Variants in RANBP17 observed in about 807,000 individuals in gnomAD.
The protein encoded by RANBP17 is RAN binding protein 17, also known as ran-binding protein 17.
Under a neutral mutation model 141.2 loss-of-function variants are expected in RANBP17, and 158 were observed. That is an observed-to-expected ratio of 1.12 (90% CI 0.98 to 1.28). RANBP17 has a LOEUF of 1.28. Among genes scored for constraint, RANBP17 ranks in the 50% most tolerant of loss-of-function variants. The pLI is 0.00. For synonymous variants in RANBP17, 430 were observed against 450.0 expected (o/e 0.96, Z 0.56); for missense variants, 1,438 against 1,290.7 (o/e 1.11, Z -1.75).
At chr5:171,277,938 CTTTTTTTTTTTTTTTT>C (rs140208253) in intron 25 of RANBP17, among the ~76,000 whole-genome samples, 2 of 72,266 alleles carry the variant, frequency 2.8e-5, no homozygotes, top group African/African-American at 1.1e-4. Flanking sequence ...GGACTTCTTT[CTTTTTTTTTTTTTTTT>C]TTTTTTTTTT....
intron 14 of RANBP17, among the ~76,000 whole-genome samples, chr5:171,089,274 G>A (rs1253548442): frequency 1.0e-5 from 1 of 98,084 alleles, no homozygotes; most frequent in Non-Finnish European, 2.4e-5. Flanking sequence ...GCTGCTCGGG[G>A]GTCACGGGTC....
intron 25 of RANBP17, among the ~76,000 whole-genome samples, chr5:171,282,716 G>C (rs1767930849): frequency 6.6e-6 from 1 of 151,978 alleles, no homozygotes; most frequent in African/African-American, 2.4e-5. Flanking sequence ...CTGACCTCAG[G>C]TGACCCACCT....
intron 25 of RANBP17, among the ~76,000 whole-genome samples, chr5:171,269,026 A>G (rs1237417728): frequency 6.6e-6 from 1 of 152,170 alleles, no homozygotes; most frequent in African/African-American, 2.4e-5. Context: ...ATATATCTTT[A>G]TTAACAGTGG....
chr5:171,184,780 A>C (rs1406482879), intron 18 of RANBP17, among the ~76,000 whole-genome samples: 1 of 152,200 alleles, frequency 6.6e-6, no homozygotes, highest in South Asian at 2.1e-4. Context: ...TTTGTTTTCT[A>C]GTGTATATAA....
chr5:171,077,618 A>T (rs1272589417), intron 14 of RANBP17, among the ~76,000 whole-genome samples: 2 of 152,248 alleles, frequency 1.3e-5, no homozygotes, highest in East Asian at 3.8e-4. Flanking sequence ...TCTAAGGGTT[A>T]GAATTTGAGG....
At chr5:171,071,105 A>C (rs548770091) in intron 14 of RANBP17, among the ~76,000 whole-genome samples, 1 of 152,098 alleles carries the variant, frequency 6.6e-6, no homozygotes, top group East Asian at 1.9e-4. Flanking sequence ...GATTGAACCA[A>C]TTTGTACCTA....
intron 18 of RANBP17, among the ~76,000 whole-genome samples, chr5:171,194,933 A>C (rs1185714860): frequency 1.3e-5 from 2 of 152,240 alleles, no homozygotes; most frequent in African/African-American, 4.8e-5. Context: ...CTTATATTTT[A>C]ATGTGATGTC....
intron 14 of RANBP17, among the ~76,000 whole-genome samples, chr5:171,120,037 C>A (rs373625412): frequency 6.7e-3 from 672 of 100,556 alleles, no homozygotes; most frequent in African/African-American, 0.011. Flanking sequence ...AACTTAGTCT[C>A]AAAAAAAAAA....
chr5:171,146,529 A>G (rs1758038702), intron 14 of RANBP17, among the ~76,000 whole-genome samples: 1 of 152,170 alleles, frequency 6.6e-6, no homozygotes, highest in Non-Finnish European at 1.5e-5. Context: ...CAGGTTCTGC[A>G]GGTAATATCC....
chr5:170,867,335 T>C (rs1320397296), intron 1 of RANBP17, among the ~76,000 whole-genome samples: 1 of 152,148 alleles, frequency 6.6e-6, no homozygotes, highest in Non-Finnish European at 1.5e-5. Flanking sequence ...TTTAAATCTG[T>C]AGAATAAATA....
intron 14 of RANBP17, among the ~76,000 whole-genome samples, chr5:171,096,740 C>T (rs972983031): frequency 1.3e-5 from 2 of 151,970 alleles, no homozygotes; most frequent in African/African-American, 4.8e-5. Context: ...AGGATAGGGC[C>T]TGAATTTTTT....
intron 14 of RANBP17, among the ~76,000 whole-genome samples, chr5:171,088,097 T>C (rs1325676389): frequency 1.3e-5 from 2 of 152,038 alleles, no homozygotes; most frequent in African/African-American, 4.8e-5. Context: ...TTGCAGCGGC[T>C]GGTACCGGTT....
chr5:170,977,304 A>T (rs1581291178), intron 14 of RANBP17, among the ~76,000 whole-genome samples: 1 of 152,072 alleles, frequency 6.6e-6, no homozygotes, highest in South Asian at 2.1e-4. Context: ...ATACCACTTT[A>T]CACTCACTAG....
chr5:171,274,159 C>CGT (rs1561820617), intron 25 of RANBP17, among the ~76,000 whole-genome samples: 3 of 141,462 alleles, frequency 2.1e-5, no homozygotes, highest in Non-Finnish European at 3.2e-5. Context: ...TGCGCGCGCG[C>CGT]GCGCGTGCGC....
chr5:171,238,831 A>G (rs1174006807), intron 22 of RANBP17, among the ~76,000 whole-genome samples: 1 of 152,098 alleles, frequency 6.6e-6, no homozygotes, highest in Admixed American at 6.6e-5. Flanking sequence ...TTATCCTTCA[A>G]ACTTAGCCTG....
intron 13 of RANBP17, among the ~76,000 whole-genome samples, chr5:170,964,912 C>T (rs1313090672): frequency 1.3e-5 from 2 of 152,204 alleles, no homozygotes; most frequent in East Asian, 3.9e-4. Context: ...GGTATATACC[C>T]AGTAATGGGA....
intron 14 of RANBP17, among the ~76,000 whole-genome samples, chr5:171,137,586 GTGTGTGTGTGTGTGTGTGTC>G (rs1422215407): frequency 6.0e-4 from 86 of 143,852 alleles, no homozygotes; most frequent in East Asian, 2.1e-3. Flanking sequence ...GTGTGTGTGT[GTGTGTGTGTGTGTGTGTGTC>G]TGTGTGTGTG....
rs181816417 is a variant in RANBP17, at chr5:170,923,430, C to A, written c.1275-927C>A. On this transcript the variant is annotated intron_variant, in intron 11 of 27. Transcript: ENST00000523189. The stretch of plus-strand genomic sequence containing the variant: ...GCTTTGAAATCAGATAGTATGAGTT[C>A]TTTAAGTGGCTTTTCTCTTTCAAAA... 3.0e-4 allele frequency among the ~76,000 whole-genome samples: 46 copies of A among 152,298 alleles called. 2 individuals are homozygous for A. Among genetic ancestry groups the A allele is most frequent in the African/African-American group, 1.1e-3 (45 of 41,576 alleles).
chr5:171,204,505 C>G (rs1762463929), intron 19 of RANBP17, among the ~76,000 whole-genome samples: 1 of 152,146 alleles, frequency 6.6e-6, no homozygotes, highest in African/African-American at 2.4e-5. Context: ...AAAAAAAGTT[C>G]AGAGACCATT....
Sources: gnomAD v4.1 joint callset for allele counts (sites outside exome capture counted in the v4.1 genomes callset) on GRCh38, gnomAD v4.1.1 for gene constraint, MANE v1.5 for transcripts, NCBI Gene and HGNC (gene_info 2026-07-23, HGNC 2026-07-21) for gene names.